The following SYT11 variants were observed in gnomAD, a reference collection of about 807,000 sequenced individuals.
The protein encoded by SYT11 is synaptotagmin-11.
In SYT11, 12 loss-of-function variants were observed where a neutral mutation model predicts 30.4. The ratio of observed to expected loss-of-function variants is 0.39; its 90% CI spans 0.25 to 0.64. SYT11 has a LOEUF of 0.64. SYT11 is among the 30% of genes least tolerant of loss of function. SYT11 has a pLI of 0.45. For synonymous variants in SYT11, 204 were observed against 216.0 expected, an observed-to-expected ratio of 0.94 and a Z score of 0.49; for missense variants, 412 against 552.0, an observed-to-expected ratio of 0.75 and a Z score of 2.54.
Position 155,881,929 on chromosome 1 carries a change from A to T in SYT11, c.*421A>T, listed in dbSNP as rs983047167. On this transcript the variant is annotated 3_prime_UTR_variant, in exon 4 of 4. Coordinates refer to ENST00000368324, the MANE Select transcript of SYT11 (RefSeq NM_152280.5). Reference sequence around the variant, plus strand: ...ATTTTCAGTAGAGATGGGTTTCACCATGTTGGCCAGGCTGGTCTCGAATTC... The same window carrying T: ...ATTTTCAGTAGAGATGGGTTTCACCTTGTTGGCCAGGCTGGTCTCGAATTC... The T allele has an allele frequency of 1.3e-5, 2 of 152,422 alleles. No homozygotes were observed. The highest frequency in any genetic ancestry group is 4.9e-5 in the African/African-American group (2 of 41,226). The allele number at this position is 152,422 out of a possible 1,614,324, so 9.4% of individuals were successfully genotyped here.
In SYT11 at chr1:155,868,777, A is replaced by C. The variant is rs779769270; in HGVS notation, c.847A>C (p.Lys283Gln). The C allele has an allele frequency of 1.2e-5, 19 of 1,613,060 alleles. No individual in the cohort carries two copies. The Admixed American group carries it at 3.2e-4, about 27-fold the overall frequency. Reference protein sequence around the residue: ...GKVQLTRDIIKRNIQKCISRG... With the variant: ...GKVQLTRDIIQRNIQKCISRG... ...GGTACAACTGACCAGGGACATCATC[A>C]AAAGGAATATCCAGGTGAGTAGGAA... The change falls in exon 2 of 4, where the codon AAA (lysine) becomes CAA (glutamine). Residue 283 changes from lysine to glutamine, a missense_variant. Coordinates refer to ENST00000368324, the MANE Select transcript of SYT11 (RefSeq NM_152280.5). This position sits in a 1 kb window ranked among gnomAD's most constrained non-coding sequence, Gnocchi z 4.7.
intron 2 of SYT11, among the ~76,000 whole-genome samples, chr1:155,877,553 A>ATT (rs35826776): frequency 0.013 from 1,712 of 134,052 alleles, 40 homozygotes; most frequent in African/African-American, 0.035. Context: ...CGCCCAGCTA[A>ATT]TTTTTTTTTT....
chr1:155,874,478 T>TGTGACAGAGCG (rs1553226161), intron 2 of SYT11, among the ~76,000 whole-genome samples: 9 of 151,462 alleles, frequency 5.9e-5, no homozygotes, highest in Non-Finnish European at 1.0e-4. Flanking sequence ...CACATGCCTG[T>TGTGACAGAGCG]AGTCCCATCT....
intron 2 of SYT11, among the ~76,000 whole-genome samples, chr1:155,872,028 G>T (rs1672788171): frequency 6.6e-6 from 1 of 152,072 alleles, no homozygotes. Flanking sequence ...CCAGGAAAAA[G>T]CTACTGCACT....
intron 2 of SYT11, among the ~76,000 whole-genome samples, chr1:155,877,290 G>A (rs1672880437): frequency 1.3e-5 from 2 of 151,754 alleles, no homozygotes; most frequent in South Asian, 4.2e-4. Context: ...TTCTAGTAGA[G>A]ATGAGGTTTC....
rs1438687967 is a variant in SYT11 at position 155,883,782 on chromosome 1, C to G, written c.*2274C>G. The G allele has an allele frequency of 1.3e-5, 2 of 152,200 alleles. No individual in the cohort carries two copies. The highest frequency in any genetic ancestry group is 1.5e-5 in the Non-Finnish European group (1 of 68,042). The allele number at this position is 152,200 out of a possible 1,614,324, so 9.4% of individuals were successfully genotyped here. A position where few individuals can be genotyped will look rare whatever the true frequency, so the allele number is the denominator to read the frequency against. On this transcript the variant is annotated 3_prime_UTR_variant, in exon 4 of 4. Coordinates refer to ENST00000368324, the MANE Select transcript of SYT11 (RefSeq NM_152280.5). ...GGTGATCTTGCTTTCAGTGTTCCCT[C>G]AGCTTTTGTGGATTTAAAACCATTC... is the stretch of plus-strand genomic sequence containing the variant.
At position 155,861,818 on chromosome 1, in the gene SYT11, A is replaced by G. The variant is rs541746555; in HGVS notation, c.34+2023A>G. On this transcript the variant is annotated intron_variant, in intron 1 of 3. Transcript: ENST00000368324. The stretch of plus-strand genomic sequence containing the variant: ...TTTTTAGTAGAGATGGGGTTTCTCC[A>G]TGTTGGTCAGGCTGGTCTTGAACTC... 1.3e-4 allele frequency among the ~76,000 whole-genome samples: 20 copies of G among 152,268 alleles called. No homozygotes were observed. The South Asian group carries it at 3.9e-3, about 30-fold the overall frequency.
At position 155,884,863 on chromosome 1, in the gene SYT11, G is replaced by A. The variant is rs1445871065; in HGVS notation, c.*3355G>A. The stretch of plus-strand genomic sequence containing the variant: ...GAAAACAGATAGAACTGGTTTGTGG[G>A]ACAGGGGCAGCTTGCTCAGGAGAGG... On this transcript the variant is annotated 3_prime_UTR_variant, in exon 4 of 4. Transcript: ENST00000368324. 6.5e-6 allele frequency: 1 copy of A among 152,732 alleles called. No homozygotes were observed. Among genetic ancestry groups the A allele is most frequent in the Non-Finnish European group, 1.5e-5 (1 of 68,054 alleles). The allele number at this position is 152,732 out of a possible 1,614,324, so 9.5% of individuals were successfully genotyped here. A position where few individuals can be genotyped will look rare whatever the true frequency, so the allele number is the denominator to read the frequency against.
chr1:155,873,159 G>A (rs539341987), intron 2 of SYT11, among the ~76,000 whole-genome samples: 1 of 152,306 alleles, frequency 6.6e-6, no homozygotes, highest in African/African-American at 2.4e-5. Context: ...TAGGCGCGGT[G>A]TCTCAGGCCT....
chr1:155,868,062 A>C lies in SYT11; in HGVS notation c.132A>C (p.Ala44=). The C allele has an allele frequency of 6.2e-7, 1 of 1,614,010 alleles. No individual in the cohort carries two copies. The highest frequency in any genetic ancestry group is 1.7e-4 in the Middle Eastern group (1 of 6,060). The part of the protein sequence containing the change: ...VFVWSCCHQQ[A]EKKQKNPPYK... ...TCTGGTCATGCTGCCACCAGCAGGC[A>C]GAGAAGAAGCAGAAGAACCCACCAT... Residue 44 remains alanine (A), a synonymous_variant, in exon 2 of 4, where the codon GCA becomes GCC. Coordinates refer to ENST00000368324, the MANE Select transcript of SYT11 (RefSeq NM_152280.5). This position sits in a 1 kb window ranked among gnomAD's most constrained non-coding sequence, Gnocchi z 4.7.
At chr1:155,863,273 G>A (rs1301880676) in intron 1 of SYT11, among the ~76,000 whole-genome samples, 1 of 151,962 alleles carries the variant, frequency 6.6e-6, no homozygotes, top group Non-Finnish European at 1.5e-5. Context: ...GGGCAACATA[G>A]CACCTTGTCT....
chr1:155,880,361 C>A, intron 2 of SYT11, 139 bp from the exon 3 acceptor site: 1 of 902,242 alleles, frequency 1.1e-6, no homozygotes, highest in Non-Finnish European at 1.6e-6. Context: ...AACACCTTTC[C>A]AGGGGATGAG....
intron 1 of SYT11, among the ~76,000 whole-genome samples, chr1:155,866,116 C>CTTTTTTTTTTTTT: frequency 8.1e-6 from 1 of 123,274 alleles, no homozygotes; most frequent in Non-Finnish European, 1.6e-5. Flanking sequence ...TTTTTTTTTT[C>CTTTTTTTTTTTTT]TTTTTTTTTT....
At chr1:155,873,736 G>A (rs1185210156) in intron 2 of SYT11, among the ~76,000 whole-genome samples, 1 of 152,086 alleles carries the variant, frequency 6.6e-6, no homozygotes, top group Non-Finnish European at 1.5e-5. Flanking sequence ...CTTGAAATGT[G>A]GCTAGTGTAA....
Position 155,868,415 on chromosome 1 carries a change from C to T in SYT11, c.485C>T (p.Thr162Ile). Residue 162 changes from threonine (T) to isoleucine (I), a missense_variant, in exon 2 of 4, where the codon ACC (threonine) becomes ATC (isoleucine). Thr to Ile is a moderately conservative substitution (Grantham distance 89). Coordinates refer to ENST00000368324, the MANE Select transcript of SYT11 (RefSeq NM_152280.5). This position sits in a 1 kb window ranked among gnomAD's most constrained non-coding sequence, Gnocchi z 4.7. ...PEEDVMLGSLTFSVDYNFPKK... is the reference protein window; with the variant it reads ...PEEDVMLGSLIFSVDYNFPKK... ...GAGGATGTCATGCTAGGATCCCTCA[C>T]CTTCTCAGTGGACTATAACTTCCCG... 1 of 1,614,088 alleles carries T rather than the reference C, an allele frequency of 6.2e-7. No homozygotes were observed. Among genetic ancestry groups the T allele is most frequent in the Non-Finnish European group, 8.5e-7 (1 of 1,179,982 alleles).
At chr1:155,871,582 C>T (rs150362571) in intron 2 of SYT11, among the ~76,000 whole-genome samples, 1 of 152,382 alleles carries the variant, frequency 6.6e-6, no homozygotes, top group African/African-American at 2.4e-5. Flanking sequence ...GCACTGGACA[C>T]AGCACAGACA....
chr1:155,869,460 C>T (rs1250872358), intron 2 of SYT11, among the ~76,000 whole-genome samples: 2 of 151,700 alleles, frequency 1.3e-5, no homozygotes, highest in African/African-American at 2.4e-5. Context: ...TTAGTAGAAA[C>T]GGGGATTCAC....
At chr1:155,876,544 C>A (rs1672864955) in intron 2 of SYT11, among the ~76,000 whole-genome samples, 1 of 151,762 alleles carries the variant, frequency 6.6e-6, no homozygotes. Flanking sequence ...CTGCACCCGG[C>A]CAAAACTCAC....
At chr1:155,870,131 A>G (rs922960880) in intron 2 of SYT11, among the ~76,000 whole-genome samples, 2 of 152,204 alleles carry the variant, frequency 1.3e-5, no homozygotes, top group Non-Finnish European at 1.5e-5. Context: ...GGTAGGTGCT[A>G]TGAAAGAAGT....
Sources: gnomAD v4.1 joint callset for allele counts (sites outside exome capture counted in the v4.1 genomes callset) on GRCh38, gnomAD v4.1.1 for gene constraint, Gnocchi (gnomAD v3.1) non-coding constraint, MANE v1.5 for transcripts, NCBI Gene and HGNC (gene_info 2026-07-23, HGNC 2026-07-21) for gene names.